Variants in WNK1 observed in about 807,000 individuals in gnomAD.
WNK1 encodes serine/threonine-protein kinase WNK1.
A neutral mutation model predicts 222.8 loss-of-function variants in WNK1; 38 were observed. That is an observed-to-expected ratio of 0.17 (90% CI 0.13 to 0.22). The LOEUF is 0.22. Among genes scored for constraint, WNK1 ranks in the 10% least tolerant of loss-of-function variants. The probability of loss-of-function intolerance (pLI) is 1.00; values close to 1 mark genes in which losing one functional copy is unlikely to be tolerated. For synonymous variants in WNK1, 1,090 were observed against 1,092.9 expected, an observed-to-expected ratio of 1.00 and a Z score of 0.05; for missense variants, 2,348 against 2,918.4, an observed-to-expected ratio of 0.80 and a Z score of 4.50.
In WNK1 at chr12:861,130, G is replaced by GAAAAAAA. The variant is rs746484082; in HGVS notation, c.1742_1748dup (p.Gln584LysfsTer29). Reference sequence around the variant, plus strand: ...GCGGCAGTTGGTACGGGAGGAGCAAGAAAAAAAAAAGCAGGAAGAGAGCAG... The same window carrying GAAAAAAA: ...GCGGCAGTTGGTACGGGAGGAGCAAGAAAAAAAAAAAAAAAAAGCAGGAAGAGAGCAG... On this transcript the variant is annotated frameshift_variant, in exon 7 of 28. Coordinates refer to ENST00000315939, the MANE Select transcript of WNK1 (RefSeq NM_018979.4). LOFTEE classifies it high-confidence loss of function. 2 of 1,512,450 alleles carry GAAAAAAA rather than the reference G, an allele frequency of 1.3e-6. No individual in the cohort carries two copies. Among genetic ancestry groups the GAAAAAAA allele is most frequent in the Non-Finnish European group, 1.8e-6 (2 of 1,105,110 alleles). 93.7% of individuals were successfully genotyped at this position (1,512,450 alleles called of 1,614,324 possible). A position where few individuals can be genotyped will look rare whatever the true frequency, so the allele number is the denominator to read the frequency against.
At chr12:810,127 G>C (rs1200682719) in intron 1 of WNK1, among the ~76,000 whole-genome samples, 1 of 152,082 alleles carries the variant, frequency 6.6e-6, no homozygotes, top group African/African-American at 2.4e-5. Flanking sequence ...GCACACGCCT[G>C]TAATCCCAGC....
intron 25 of WNK1, among the ~76,000 whole-genome samples, chr12:899,509 C>T (rs907795584): frequency 6.6e-6 from 1 of 152,148 alleles, no homozygotes; most frequent in Non-Finnish European, 1.5e-5. Flanking sequence ...TCTGAAACTT[C>T]TGGCCTCAGG....
At chr12:881,118 T>A in intron 12 of WNK1, 119 bp downstream of exon 12, 1 of 1,328,718 alleles carries the variant, frequency 7.5e-7, no homozygotes, top group Non-Finnish European at 1.1e-6. Flanking sequence ...CATGTCAAAC[T>A]AACTTCTGCA....
intron 1 of WNK1, among the ~76,000 whole-genome samples, chr12:761,720 T>C (rs182059557): frequency 6.8e-6 from 1 of 148,092 alleles, no homozygotes; most frequent in East Asian, 1.9e-4. Flanking sequence ...GCTAAGAGTT[T>C]TGAGCTACAT....
chr12:776,998 C>G (rs979422008), intron 1 of WNK1, among the ~76,000 whole-genome samples: 2 of 151,842 alleles, frequency 1.3e-5, no homozygotes, highest in Admixed American at 6.6e-5. Flanking sequence ...TACTAAATGA[C>G]CTCTTGGTCC....
At chr12:842,825 A>G (rs1000682217) in intron 4 of WNK1, among the ~76,000 whole-genome samples, 5 of 152,326 alleles carry the variant, frequency 3.3e-5, no homozygotes, top group Admixed American at 1.3e-4. Context: ...ACTTGGCAAC[A>G]TTGTATAATA....
Position 838,805 on chromosome 12 carries a change from AT to A in WNK1, c.1311+8653del, listed in dbSNP as rs887979613. ...TTCATCTTAACTAATTACTTAACTA[AT>A]TTTTTTTCCAAAAAAATTCATATTG... On this transcript the variant is annotated intron_variant, in intron 4 of 27. Coordinates refer to ENST00000315939, the MANE Select transcript of WNK1 (RefSeq NM_018979.4). 2.4e-4 allele frequency among the ~76,000 whole-genome samples: 37 copies of A among 151,764 alleles called. 1 individual carries two copies. The highest frequency in any genetic ancestry group is 6.8e-4 in the African/African-American group (28 of 41,284).
intron 1 of WNK1, among the ~76,000 whole-genome samples, chr12:763,263 T>TA (rs1941265636): frequency 6.8e-6 from 1 of 147,442 alleles, no homozygotes; most frequent in Non-Finnish European, 1.5e-5. Context: ...TTCATCACAC[T>TA]AGTCAGAATG....
intron 26 of WNK1, among the ~76,000 whole-genome samples, chr12:903,278 G>T (rs1230488027): frequency 6.6e-6 from 1 of 152,108 alleles, no homozygotes; most frequent in African/African-American, 2.4e-5. Flanking sequence ...AAAGAAGCGG[G>T]TGGAAGGCAT....
At chr12:769,318 C>T (rs141190253) in intron 1 of WNK1, among the ~76,000 whole-genome samples, 117 of 152,244 alleles carry the variant, frequency 7.7e-4, no homozygotes, top group Middle Eastern at 3.4e-3. Context: ...CATGCCTCAG[C>T]CTCCCAAATT....
intron 2 of WNK1, among the ~76,000 whole-genome samples, chr12:816,970 G>T (rs1269455747): frequency 6.6e-6 from 1 of 151,958 alleles, no homozygotes. Context: ...GAAGGAAAAA[G>T]ACACCAAAGA....
At position 753,462 on chromosome 12, in the gene WNK1, G is replaced by C; in HGVS notation, c.-104G>C. On this transcript the variant is annotated 5_prime_UTR_variant, in exon 1 of 28. Coordinates refer to ENST00000315939, the MANE Select transcript of WNK1 (RefSeq NM_018979.4). This position sits in a 1 kb window ranked among gnomAD's most constrained non-coding sequence, Gnocchi z 5.2. ...GCGTCGTCCGGGTCGGCGCGAACCC[G>C]CCCGGCCGCGGTTCCCTGCAGACCT... 6.6e-7 allele frequency: 1 copy of C among 1,517,014 alleles called. No individual in the cohort carries two copies. Among genetic ancestry groups the C allele is most frequent in the South Asian group, 1.2e-5 (1 of 84,748 alleles). 94.0% of individuals were successfully genotyped at this position (1,517,014 alleles called of 1,614,324 possible). A position where few individuals can be genotyped will look rare whatever the true frequency, so the allele number is the denominator to read the frequency against.
At chr12:874,737 T>C (rs1024162989) in intron 9 of WNK1, among the ~76,000 whole-genome samples, 12 of 152,196 alleles carry the variant, frequency 7.9e-5, no homozygotes, top group African/African-American at 2.9e-4. Context: ...GTATAGATGC[T>C]ATAATTATTT....
At chr12:774,853 T>G (rs1942926681) in intron 1 of WNK1, among the ~76,000 whole-genome samples, 1 of 152,192 alleles carries the variant, frequency 6.6e-6, no homozygotes, top group Non-Finnish European at 1.5e-5. Flanking sequence ...TATTTTTGCC[T>G]TCAGGTGCTT....
chr12:847,801 CTTT>C (rs898832948), intron 4 of WNK1, among the ~76,000 whole-genome samples: 52 of 68,640 alleles, frequency 7.6e-4, no homozygotes, highest in African/African-American at 2.7e-3. Context: ...GATTAATTCT[CTTT>C]TTTTTTTTTT....
chr12:881,081 C>T, intron 12 of WNK1, 82 bp downstream of exon 12: 1 of 1,566,682 alleles, frequency 6.4e-7, no homozygotes, highest in Non-Finnish European at 8.7e-7. Context: ...GAAACAGGCT[C>T]CCCTGGTTTA....
At chr12:882,140 G>T in intron 14 of WNK1, 67 bp downstream of exon 14, 1 of 1,491,532 alleles carries the variant, frequency 6.7e-7, no homozygotes. Context: ...GATTTTAGAG[G>T]TCATCAAATC....
chr12:775,780 A>G (rs1006594004), intron 1 of WNK1, among the ~76,000 whole-genome samples: 2 of 152,162 alleles, frequency 1.3e-5, no homozygotes, highest in Admixed American at 6.5e-5. Flanking sequence ...TGTGTTTTAT[A>G]TATATTCTCT....
intron 1 of WNK1, among the ~76,000 whole-genome samples, chr12:766,863 GCCTCC>G (rs1183816329): frequency 1.3e-5 from 2 of 151,900 alleles, no homozygotes; most frequent in African/African-American, 4.8e-5. Context: ...TGCAGCCTCC[GCCTCC>G]CAGGTTCAAG....
Sources: allele counts gnomAD v4.1 joint callset (sites outside exome capture counted in the v4.1 genomes callset), GRCh38; gene constraint gnomAD v4.1.1; non-coding constraint Gnocchi (gnomAD v3.1); transcripts MANE v1.5; gene names NCBI Gene and HGNC (gene_info 2026-07-23, HGNC 2026-07-21).